The following TUFT1 variants were observed in gnomAD, a reference collection of about 807,000 sequenced individuals.
TUFT1 encodes the protein tuftelin 1.
In TUFT1, 43 loss-of-function variants were observed where a neutral mutation model predicts 57.8. The ratio of observed to expected loss-of-function variants is 0.74; its 90% confidence interval spans 0.58 to 0.96. The LOEUF (loss-of-function observed/expected upper bound fraction) is 0.96. TUFT1 is among the 40% of genes least tolerant of loss of function. The pLI is 0.00. For synonymous variants in TUFT1, 166 were observed against 176.7 expected, an observed-to-expected ratio of 0.94 and a Z score of 0.48; for missense variants, 459 against 489.0, an observed-to-expected ratio of 0.94 and a Z score of 0.58.
At chr1:151,581,524 C>A in intron 12 of TUFT1, 120 bp from the exon 13 acceptor site, 2 of 919,920 alleles carry the variant, frequency 2.2e-6, no homozygotes, top group East Asian at 2.6e-5. Context: ...CCCAAGTGAT[C>A]AGCCAGCACT....
intron 9 of TUFT1, among the ~76,000 whole-genome samples, chr1:151,575,758 T>G (rs1005677414): frequency 1.3e-5 from 2 of 152,262 alleles, no homozygotes; most frequent in Admixed American, 6.5e-5. Flanking sequence ...TGGACCTTTT[T>G]TAGTTCAACA....
chr1:151,543,347 G>GTGTA (rs139471079), intron 1 of TUFT1, among the ~76,000 whole-genome samples: 2 of 151,946 alleles, frequency 1.3e-5, no homozygotes, highest in Admixed American at 1.3e-4. Flanking sequence ...GTGTGTGTGT[G>GTGTA]TGTGTGTGTG....
intron 1 of TUFT1, among the ~76,000 whole-genome samples, chr1:151,544,019 G>A (rs1665252712): frequency 7.5e-6 from 1 of 133,420 alleles, no homozygotes; most frequent in Non-Finnish European, 1.6e-5. Context: ...GTCTCACTCT[G>A]TTGCCCAGGC....
chr1:151,566,064 T>C, intron 5 of TUFT1, 99 bp from the exon 6 acceptor site: 1 of 350,596 alleles, frequency 2.9e-6, no homozygotes, highest in Non-Finnish European at 5.6e-6. Context: ...TCCCTCTCCC[T>C]GTCCTTCTCT....
intron 1 of TUFT1, among the ~76,000 whole-genome samples, chr1:151,561,174 T>G (rs1040227677): frequency 6.6e-6 from 1 of 151,966 alleles, no homozygotes; most frequent in East Asian, 1.9e-4. Flanking sequence ...TGTTTTTGTA[T>G]TTTTTAGTAG....
chr1:151,576,706 C>T (rs1215985150), intron 9 of TUFT1, among the ~76,000 whole-genome samples: 2 of 152,122 alleles, frequency 1.3e-5, no homozygotes, highest in Non-Finnish European at 2.9e-5. Context: ...AATCTCGGCT[C>T]ACTGCAACCT....
rs143328619 is a variant in TUFT1 at position 151,578,026 on chromosome 1, C to T, written c.819-695C>T. 9.7e-3 allele frequency among the ~76,000 whole-genome samples: 1,428 copies of T among 147,354 alleles called. 27 individuals are homozygous for T. Among genetic ancestry groups the T allele is most frequent in the African/African-American group, 0.033 (1,330 of 39,998 alleles). ...GGGCTACAGAGTGAGACCCTGTCTCCGGAAAAAAAAAAAAAGAAAAGGTCG... is the reference window on the plus strand; with the variant it reads ...GGGCTACAGAGTGAGACCCTGTCTCTGGAAAAAAAAAAAAAGAAAAGGTCG... On this transcript the variant is annotated intron_variant, in intron 9 of 12. Coordinates refer to ENST00000368849, the MANE Select transcript of TUFT1 (RefSeq NM_020127.3).
chr1:151,562,750 G>A (rs1298680784), intron 3 of TUFT1, 64 bp downstream of exon 3: 5 of 1,410,332 alleles, frequency 3.5e-6, no homozygotes, highest in Non-Finnish European at 5.0e-6. Flanking sequence ...ATATGAGAAG[G>A]AGCAGTTGAT....
intron 5 of TUFT1, chr1:151,565,871 TC>T (rs1420209123): frequency 6.8e-6 from 2 of 294,780 alleles, no homozygotes; most frequent in Admixed American, 4.5e-5. Context: ...TACAAGACTT[TC>T]AAGGCCCTTT....
intron 1 of TUFT1, among the ~76,000 whole-genome samples, chr1:151,553,111 A>T (rs989204937): frequency 2.5e-4 from 38 of 150,250 alleles, no homozygotes; most frequent in Non-Finnish European, 4.6e-4. Flanking sequence ...TTTTTTTTTT[A>T]GATGGAGTCT....
At chr1:151,562,209 T>C (rs769998264) in intron 2 of TUFT1, 44 bp downstream of exon 2, 4 of 1,540,014 alleles carry the variant, frequency 2.6e-6, no homozygotes, top group Non-Finnish European at 3.6e-6. Context: ...CCCACACCAG[T>C]GCTTCCTTGC....
rs1205142123 is a variant in TUFT1, at chr1:151,563,914, A to G, written c.248A>G (p.Lys83Arg). 1 of 1,614,058 alleles carries G rather than the reference A, an allele frequency of 6.2e-7. No individual in the cohort carries two copies. Among genetic ancestry groups the G allele is most frequent in the Admixed American group, 1.7e-5 (1 of 60,010 alleles). ...GTGTTCTTATTTCAGGTGTACTTGA[A>G]GGGGAGGTCTGGAGACAAGATGATT... ...GHEEIIKVYLKGRSGDKMIHE... is the reference protein window; with the variant it reads ...GHEEIIKVYLRGRSGDKMIHE... The change falls in exon 4 of 13, where the codon AAG (lysine) becomes AGG (arginine). Residue 83 changes from lysine to arginine, a missense_variant. Lys to Arg is a conservative substitution (Grantham distance 26). Transcript: ENST00000368849.
intron 3 of TUFT1, among the ~76,000 whole-genome samples, 153 bp downstream of exon 3, chr1:151,562,839 AT>A (rs1344125353): frequency 1.3e-5 from 2 of 152,164 alleles, no homozygotes; most frequent in Non-Finnish European, 2.9e-5. Flanking sequence ...TCCTAGAAAT[AT>A]CTTAATTAAT....
chr1:151,577,045 A>T (rs74228548), intron 9 of TUFT1, among the ~76,000 whole-genome samples: 14,975 of 152,184 alleles, frequency 0.098, 801 homozygotes, highest in South Asian at 0.14. Context: ...AAGTGCTGGG[A>T]TTATATTCAT....
At chr1:151,561,624 G>A (rs1396813626) in intron 1 of TUFT1, 1 of 1,188,064 alleles carries the variant, frequency 8.4e-7, no homozygotes, top group African/African-American at 1.6e-5. Flanking sequence ...TCATAGAAAT[G>A]GGAGTTTGAA....
chr1:151,559,345 C>T (rs956642683), intron 1 of TUFT1, among the ~76,000 whole-genome samples: 5 of 152,130 alleles, frequency 3.3e-5, no homozygotes, highest in African/African-American at 4.8e-5. Context: ...GGCCTTGTGA[C>T]GCTGTGGGAG....
chr1:151,551,668 A>C (rs1459227786), intron 1 of TUFT1, among the ~76,000 whole-genome samples: 1 of 152,152 alleles, frequency 6.6e-6, no homozygotes, highest in Non-Finnish European at 1.5e-5. Flanking sequence ...ACCCGTTAGC[A>C]GAAACAGACT....
chr1:151,549,033 G>A (rs1453211159), intron 1 of TUFT1, among the ~76,000 whole-genome samples: 2 of 152,138 alleles, frequency 1.3e-5, no homozygotes, highest in South Asian at 2.1e-4. Flanking sequence ...GTGAGTCAGG[G>A]TTGGAGATTT....
Position 151,553,627 on chromosome 1 carries a change from A to T in TUFT1, c.61-8464A>T, listed in dbSNP as rs1294958106. On this transcript the variant is annotated intron_variant, in intron 1 of 12. Coordinates refer to ENST00000368849, the MANE Select transcript of TUFT1 (RefSeq NM_020127.3). ...TCTTCCGAGGTCTTCATTTTGGGGT[A>T]TCATATTCTGAGATCCTACATTTGC... Among the ~76,000 whole-genome samples, 4 of 152,272 alleles carry T rather than the reference A, an allele frequency of 2.6e-5. No individual in the cohort carries two copies. In the East Asian group the frequency reaches 5.8e-4, roughly 22 times the overall value.
Sources: allele counts gnomAD v4.1 joint callset (sites outside exome capture counted in the v4.1 genomes callset), GRCh38; gene constraint gnomAD v4.1.1; transcripts MANE v1.5; gene names NCBI Gene and HGNC (gene_info 2026-07-23, HGNC 2026-07-21).